Variants in SLC2A13 observed in about 807,000 individuals in gnomAD.
SLC2A13 encodes the protein solute carrier family 2 member 13, also known as proton myo-inositol cotransporter.
Under a neutral mutation model 64.4 loss-of-function variants are expected in SLC2A13, and 32 were observed. That is an observed-to-expected ratio of 0.50 (90% CI 0.37 to 0.67). The LOEUF is 0.67. Among genes scored for constraint, SLC2A13 ranks in the 30% least tolerant of loss-of-function variants. The pLI is 0.00. For synonymous variants in SLC2A13, 338 were observed against 327.1 expected (o/e 1.03, Z -0.36); for missense variants, 743 against 829.2 (o/e 0.90, Z 1.28).
chr12:40,098,768 A>G (rs917744818), intron 1 of SLC2A13, among the ~76,000 whole-genome samples: 2 of 152,234 alleles, frequency 1.3e-5, no homozygotes, highest in Non-Finnish European at 2.9e-5. Context: ...CCCCTGGGTT[A>G]TTATGAAGAC....
intron 1 of SLC2A13, among the ~76,000 whole-genome samples, chr12:40,068,776 AT>A (rs1262066096): frequency 1.3e-5 from 2 of 152,022 alleles, no homozygotes; most frequent in Non-Finnish European, 2.9e-5. Context: ...AAAAAAAAAA[AT>A]CATAGACACA....
At chr12:39,790,371 TCCCCCCA>T (rs1941349800) in intron 7 of SLC2A13, among the ~76,000 whole-genome samples, 1 of 77,824 alleles carries the variant, frequency 1.3e-5, no homozygotes, top group African/African-American at 5.2e-5. Context: ...CCCTCCCCCC[TCCCCCCA>T]CCCCACCACA....
chr12:39,881,202 T>C lies in SLC2A13; in HGVS notation c.1035-9241A>G, dbSNP rs553179090. Among the ~76,000 whole-genome samples, 16 of 152,270 alleles carry C rather than the reference T, an allele frequency of 1.1e-4. No homozygotes were observed. The East Asian group carries it at 2.5e-3, about 24-fold the overall frequency. ...GTGTGGGTAACACAACCATAAAAAA[T>C]TAGGGATAAGAGAGAAGTAAAAGTC... On this transcript the variant is annotated intron_variant, in intron 4 of 9. Transcript: ENST00000280871.
At chr12:40,074,149 T>TAAAGCCC (rs200738161) in intron 1 of SLC2A13, among the ~76,000 whole-genome samples, 4,250 of 146,114 alleles carry the variant, frequency 0.029, 175 homozygotes, top group Admixed American at 0.12. Context: ...TCCAGTCTAT[T>TAAAGCCC]AAAGCCCATC....
intron 4 of SLC2A13, chr12:39,950,886 TG>T (rs1472078907): frequency 7.8e-6 from 2 of 255,608 alleles, no homozygotes; most frequent in African/African-American, 4.4e-5. Context: ...ATTAGTTATC[TG>T]TGTGCCCATA....
intron 1 of SLC2A13, among the ~76,000 whole-genome samples, chr12:40,070,664 T>C (rs1937918668): frequency 6.6e-6 from 1 of 152,160 alleles, no homozygotes; most frequent in South Asian, 2.1e-4. Context: ...TCCAACAAGA[T>C]CCTTTTTGAA....
chr12:39,810,608 G>C (rs926115900), intron 7 of SLC2A13, among the ~76,000 whole-genome samples: 1 of 152,080 alleles, frequency 6.6e-6, no homozygotes, highest in Admixed American at 6.6e-5. Flanking sequence ...TAAGCTGTAG[G>C]TTTTTAAGAG....
chr12:39,873,054 TTCTG>T (rs1364697509), intron 4 of SLC2A13, among the ~76,000 whole-genome samples: 1 of 152,234 alleles, frequency 6.6e-6, no homozygotes, highest in Non-Finnish European at 1.5e-5. Flanking sequence ...CATCAATGGC[TTCTG>T]TCTACTATTT....
Position 39,857,076 on chromosome 12 carries a change from A to G in SLC2A13, c.1319+7686T>C, listed in dbSNP as rs147881118. On this transcript the variant is annotated intron_variant, in intron 6 of 9. Coordinates refer to ENST00000280871, the MANE Select transcript of SLC2A13 (RefSeq NM_052885.4). ...AAGTTGGTTTCATGTGTTCACTGCA[A>G]TGAAGAGTTCTAGAATAAGAATATA... Among the ~76,000 whole-genome samples, 443 of 152,338 alleles carry G rather than the reference A, an allele frequency of 2.9e-3. 2 individuals carry two copies. Among genetic ancestry groups the G allele is most frequent in the African/African-American group, 0.01 (417 of 41,592 alleles).
intron 7 of SLC2A13, among the ~76,000 whole-genome samples, chr12:39,823,638 G>A (rs979126101): frequency 6.6e-5 from 10 of 152,076 alleles, no homozygotes; most frequent in Admixed American, 2.0e-4. Context: ...TATTATAGAC[G>A]GAGTTCTGCT....
chr12:39,887,272 TTTAG>T, intron 4 of SLC2A13, among the ~76,000 whole-genome samples: 1 of 152,288 alleles, frequency 6.6e-6, no homozygotes, highest in Non-Finnish European at 1.5e-5. Flanking sequence ...CATACAAATA[TTTAG>T]TTAGACACCT....
intron 7 of SLC2A13, among the ~76,000 whole-genome samples, chr12:39,780,178 T>C (rs1940930270): frequency 6.6e-6 from 1 of 151,886 alleles, no homozygotes; most frequent in Non-Finnish European, 1.5e-5. Context: ...TTCAAAGCAA[T>C]AGCATCATTA....
intron 4 of SLC2A13, among the ~76,000 whole-genome samples, chr12:39,904,108 G>A (rs1250991359): frequency 6.6e-6 from 1 of 152,114 alleles, no homozygotes; most frequent in Non-Finnish European, 1.5e-5. Flanking sequence ...TGAAGTTGAG[G>A]AAGCCAAGCC....
In SLC2A13 at chr12:39,759,886, AATC is replaced by A; in HGVS notation, c.*137_*139del. The A allele has an allele frequency of 1.6e-6, 1 of 619,050 alleles. No individual in the cohort carries two copies. Among genetic ancestry groups the A allele is most frequent in the Non-Finnish European group, 2.8e-6 (1 of 356,786 alleles). The allele number at this position is 619,050 out of a possible 1,614,324, so 38.3% of individuals were successfully genotyped here. A position where few individuals can be genotyped will look rare whatever the true frequency, so the allele number is the denominator to read the frequency against. ...GTCATCATGGTTGTATCTTCCTCCT[AATC>A]AAGTATTCTAGAATATGAAGTCAAT... On this transcript the variant is annotated 3_prime_UTR_variant, in exon 10 of 10. Coordinates refer to ENST00000280871, the MANE Select transcript of SLC2A13 (RefSeq NM_052885.4).
chr12:40,058,724 A>C, intron 1 of SLC2A13, among the ~76,000 whole-genome samples: 1 of 152,204 alleles, frequency 6.6e-6, no homozygotes, highest in Non-Finnish European at 1.5e-5. Flanking sequence ...ACATTTGAAC[A>C]AACTTTTTCC....
rs1190013311 is a variant in SLC2A13 at position 39,914,980 on chromosome 12, T to C, written c.1034+36277A>G. ...AGGTCATCACAAAGTTAACAGGTTA[T>C]AGACTTAGTTTCAGGAACAAAAGAC... is the stretch of plus-strand genomic sequence containing the variant. On this transcript the variant is annotated intron_variant, in intron 4 of 9. Coordinates refer to ENST00000280871, the MANE Select transcript of SLC2A13 (RefSeq NM_052885.4). 7.2e-5 allele frequency among the ~76,000 whole-genome samples: 11 copies of C among 152,026 alleles called. No individual in the cohort carries two copies. In the East Asian group the frequency reaches 2.1e-3, roughly 29 times the overall value.
At chr12:40,024,202 G>A (rs1468744035) in intron 3 of SLC2A13, among the ~76,000 whole-genome samples, 2 of 152,070 alleles carry the variant, frequency 1.3e-5, no homozygotes, top group Admixed American at 6.6e-5. Context: ...ACAAAATGAT[G>A]GAAATCATAT....
At chr12:40,066,240 AAG>A in intron 1 of SLC2A13, among the ~76,000 whole-genome samples, 1 of 152,324 alleles carries the variant, frequency 6.6e-6, no homozygotes, top group Non-Finnish European at 1.5e-5. Flanking sequence ...CAATGAGTGA[AAG>A]AACAAACTGT....
At chr12:39,925,053 T>TCC (rs1491231030) in intron 4 of SLC2A13, among the ~76,000 whole-genome samples, 1 of 128,056 alleles carries the variant, frequency 7.8e-6, no homozygotes, top group East Asian at 2.4e-4. Context: ...TTTTTTTTTT[T>TCC]GAGGAAGAGT....
Sources: allele counts gnomAD v4.1 joint callset (sites outside exome capture counted in the v4.1 genomes callset), GRCh38; gene constraint gnomAD v4.1.1; transcripts MANE v1.5; gene names NCBI Gene and HGNC (gene_info 2026-07-23, HGNC 2026-07-21).